NRDE2: variants seen among roughly 807,000 people sequenced by gnomAD.
The protein encoded by NRDE2 is nuclear exosome regulator NRDE2.
Under a neutral mutation model 124.2 loss-of-function variants are expected in NRDE2, and 76 were observed. That is an observed-to-expected ratio of 0.61 (90% CI 0.51 to 0.74). The LOEUF (loss-of-function observed/expected upper bound fraction) is 0.74. NRDE2 is among the 30% of genes least tolerant of loss of function. The pLI is 0.00. For missense variants in NRDE2, 1,314 were observed against 1,417.3 expected, an observed-to-expected ratio of 0.93 and a Z score of 1.17; for synonymous variants, 489 against 528.1, an observed-to-expected ratio of 0.93 and a Z score of 1.01.
intron 4 of NRDE2, 67 bp from the exon 5 acceptor site, chr14:90,304,449 G>A (rs888124380): frequency 9.3e-6 from 11 of 1,182,504 alleles, no homozygotes; most frequent in South Asian, 7.6e-5. Flanking sequence ...GACTAAAGGC[G>A]CATTAGACCT....
In NRDE2 at chr14:90,302,831, T is replaced by C. The variant is rs777928165; in HGVS notation, c.1300A>G (p.Ile434Val). 1.9e-6 allele frequency: 3 copies of C among 1,614,016 alleles called. No homozygotes were observed. Among genetic ancestry groups the C allele is most frequent in the African/African-American group, 1.3e-5 (1 of 74,916 alleles). Residue 434 changes from isoleucine to valine, a missense_variant, in exon 6 of 14, where the codon ATA (isoleucine) becomes GTA (valine). Ile to Val is a conservative substitution (Grantham distance 29). Transcript: ENST00000354366. ...CCATAAAGACTGTGAATTTTTGATA[T>C]CGAAAAGGTACTAAACTGGCTCTGG... ...FCQSQFSTFSISKIHSLYGKC... is the reference protein window; with the variant it reads ...FCQSQFSTFSVSKIHSLYGKC...
chr14:90,310,862 T>C (rs977532217), intron 4 of NRDE2, among the ~76,000 whole-genome samples: 1 of 152,186 alleles, frequency 6.6e-6, no homozygotes, highest in Non-Finnish European at 1.5e-5. Flanking sequence ...TGTGGTGGCA[T>C]GGAAAACCAA....
At chr14:90,300,445 C>T (rs149502547) in intron 7 of NRDE2, among the ~76,000 whole-genome samples, 2 of 152,234 alleles carry the variant, frequency 1.3e-5, no homozygotes, top group East Asian at 1.9e-4. Context: ...TGAATGTTCA[C>T]CATAAACTCA....
intron 11 of NRDE2, 27 bp downstream of exon 11, chr14:90,288,190 C>A: frequency 6.3e-7 from 1 of 1,587,454 alleles, no homozygotes; most frequent in Non-Finnish European, 8.6e-7. Flanking sequence ...ATTTGCGGGG[C>A]ACACGAACAG....
Position 90,288,633 on chromosome 14 carries a change from C to T in NRDE2, c.2742G>A (p.Gln914=). The change falls in exon 11 of 14, where the codon CAG becomes CAA. Residue 914 remains glutamine (Q), a synonymous_variant. Transcript: ENST00000354366. ...ISLAKCFMLF[Q]YLTIGIDAAV... ...CAGCATCAATCCCTATGGTCAAATA[C>T]TGGAAGAGCATGAAGCATTTAGCCA... 1.9e-6 allele frequency: 3 copies of T among 1,614,146 alleles called. No homozygotes were observed. Among genetic ancestry groups the T allele is most frequent in the Admixed American group, 3.3e-5 (2 of 60,024 alleles).
At chr14:90,329,446 T>C (rs1885579842) in intron 1 of NRDE2, among the ~76,000 whole-genome samples, 1 of 152,170 alleles carries the variant, frequency 6.6e-6, no homozygotes, top group South Asian at 2.1e-4. Context: ...ACGCCTGTAA[T>C]TCCAGAACTT....
chr14:90,275,443 G>C lies in NRDE2; in HGVS notation c.*2893C>G, dbSNP rs867873731. 1 of 152,260 alleles carries C rather than the reference G, an allele frequency of 6.6e-6. No homozygotes were observed. Among genetic ancestry groups the C allele is most frequent in the African/African-American group, 2.4e-5 (1 of 41,550 alleles). 9.4% of individuals were successfully genotyped at this position (152,260 alleles called of 1,614,324 possible). On this transcript the variant is annotated 3_prime_UTR_variant, in exon 14 of 14. Transcript: ENST00000354366. Reference sequence around the variant, plus strand: ...CAAAAAACCCCAGCACATCAGTATTGCCTTTTCCTCATTGGTAATAGCTGA... The same window carrying C: ...CAAAAAACCCCAGCACATCAGTATTCCCTTTTCCTCATTGGTAATAGCTGA...
At chr14:90,307,136 T>G (rs925668600) in intron 4 of NRDE2, among the ~76,000 whole-genome samples, 4 of 152,238 alleles carry the variant, frequency 2.6e-5, no homozygotes, top group African/African-American at 7.2e-5. Flanking sequence ...TATATGTGTG[T>G]GCACATACAT....
rs139894955 is a variant in NRDE2 at position 90,297,639 on chromosome 14, T to G, written c.1666+621A>C. Among the ~76,000 whole-genome samples, 316 of 152,078 alleles carry G rather than the reference T, an allele frequency of 2.1e-3. 3 individuals are homozygous for G. The highest frequency in any genetic ancestry group is 6.8e-3 in the Middle Eastern group (2 of 294). ...CAAAAAGACTGTCTGAAATACACAC[T>G]AAAAAAGAATGGGGTCGGGCGTGGT... is the stretch of plus-strand genomic sequence containing the variant. On this transcript the variant is annotated intron_variant, in intron 8 of 13. Coordinates refer to ENST00000354366, the MANE Select transcript of NRDE2 (RefSeq NM_017970.4).
chr14:90,292,545 C>T lies in NRDE2; in HGVS notation c.1842+152G>A, dbSNP rs533902493. ...ATATCCAGCAGGAAGGAAGTTTCCA[C>T]AGATGAGAACAGGAGCAGGTTAGCA... On this transcript the variant is annotated intron_variant, in intron 9 of 13. Coordinates refer to ENST00000354366, the MANE Select transcript of NRDE2 (RefSeq NM_017970.4). 134 of 762,578 alleles carry T rather than the reference C, an allele frequency of 1.8e-4. 1 individual carries two copies. The South Asian group carries it at 2.5e-3, about 14-fold the overall frequency. 47.2% of individuals were successfully genotyped at this position (762,578 alleles called of 1,614,324 possible).
At chr14:90,292,942 A>G (rs971102083) in intron 8 of NRDE2, 70 bp from the exon 9 acceptor site, 27 of 1,476,208 alleles carry the variant, frequency 1.8e-5, no homozygotes, top group Non-Finnish European at 2.4e-5. Context: ...TCAGCCTGCT[A>G]TGTCAGGGAC....
At chr14:90,311,760 T>C (rs907259035) in intron 4 of NRDE2, among the ~76,000 whole-genome samples, 3 of 151,978 alleles carry the variant, frequency 2.0e-5, no homozygotes, top group African/African-American at 4.8e-5. Flanking sequence ...ATACTAATGA[T>C]AGCTGATGAG....
Position 90,272,548 on chromosome 14 carries a change from G to A in NRDE2, c.*5788C>T. ...CATCCTGTGTCTTTTGGAGTACGATGTGTAAGTGCCCATTGGGTGGCCTGT... is the reference window on the plus strand; with the variant it reads ...CATCCTGTGTCTTTTGGAGTACGATATGTAAGTGCCCATTGGGTGGCCTGT... On this transcript the variant is annotated 3_prime_UTR_variant, in exon 14 of 14. Transcript: ENST00000354366. This position sits in a 1 kb window ranked among gnomAD's most constrained non-coding sequence, Gnocchi z 4.5. The A allele has an allele frequency of 1.7e-6, 1 of 596,842 alleles. No homozygotes were observed. The highest frequency in any genetic ancestry group is 3.4e-5 in the Admixed American group (1 of 29,006). 37.0% of individuals were successfully genotyped at this position (596,842 alleles called of 1,614,324 possible). A position where few individuals can be genotyped will look rare whatever the true frequency, so the allele number is the denominator to read the frequency against.
At chr14:90,308,039 C>T (rs1408302188) in intron 4 of NRDE2, among the ~76,000 whole-genome samples, 5 of 152,182 alleles carry the variant, frequency 3.3e-5, no homozygotes, top group African/African-American at 1.2e-4. Flanking sequence ...TGGGTCACTG[C>T]ACTTGGCCAA....
At chr14:90,315,959 A>T (rs1235634123) in intron 3 of NRDE2, among the ~76,000 whole-genome samples, 1 of 72,422 alleles carries the variant, frequency 1.4e-5, no homozygotes, top group Admixed American at 1.4e-4. Flanking sequence ...CCCCGTCTCA[A>T]AAAAAAAAAA....
At chr14:90,283,815 G>A (rs767439633) in intron 12 of NRDE2, among the ~76,000 whole-genome samples, 28 of 151,666 alleles carry the variant, frequency 1.8e-4, no homozygotes, top group African/African-American at 5.6e-4. Flanking sequence ...GGGTTCAAGC[G>A]ATTCTTCTGC....
At chr14:90,294,385 TCAAA>T (rs748242770) in intron 8 of NRDE2, among the ~76,000 whole-genome samples, 121 of 151,828 alleles carry the variant, frequency 8.0e-4, no homozygotes, top group Non-Finnish European at 1.5e-3. Flanking sequence ...AAGCAGAGTC[TCAAA>T]CAGATACTGT....
At chr14:90,311,563 T>C (rs1481967056) in intron 4 of NRDE2, among the ~76,000 whole-genome samples, 1 of 152,204 alleles carries the variant, frequency 6.6e-6, no homozygotes, top group Non-Finnish European at 1.5e-5. Flanking sequence ...CCTTCCACCA[T>C]GATTGCGAGG....
At chr14:90,289,690 C>T (rs1032236468) in intron 10 of NRDE2, among the ~76,000 whole-genome samples, 5 of 152,186 alleles carry the variant, frequency 3.3e-5, no homozygotes, top group Admixed American at 1.3e-4. Flanking sequence ...CATGTTCAAG[C>T]GATTCTCCTG....
Sources: gnomAD v4.1 joint callset for allele counts (sites outside exome capture counted in the v4.1 genomes callset) on GRCh38, gnomAD v4.1.1 for gene constraint, Gnocchi (gnomAD v3.1) non-coding constraint, MANE v1.5 for transcripts, NCBI Gene and HGNC (gene_info 2026-07-23, HGNC 2026-07-21) for gene names.